The following FRAS1 variants were observed in gnomAD, a reference collection of about 807,000 sequenced individuals.
FRAS1 encodes the protein extracellular matrix organizing protein FRAS1.
A neutral mutation model predicts 435.2 loss-of-function variants in FRAS1; 290 were observed. That is an observed-to-expected ratio of 0.67 (90% CI 0.61 to 0.73). The LOEUF (loss-of-function observed/expected upper bound fraction) is 0.73. Ranked by LOEUF, FRAS1 falls within the 30% of genes least tolerant of loss-of-function variation. The pLI is 0.00. For missense variants in FRAS1, 4,860 were observed against 5,001.5 expected (o/e 0.97, Z 0.85); for synonymous variants, 1,800 against 1,851.0 (o/e 0.97, Z 0.71).
At chr4:78,302,395 G>A (rs1055744136) in intron 14 of FRAS1, among the ~76,000 whole-genome samples, 33 of 151,480 alleles carry the variant, frequency 2.2e-4, no homozygotes, top group Non-Finnish European at 3.8e-4. Flanking sequence ...TGGGTCAAAT[G>A]GTATTTCTAG....
intron 2 of FRAS1, among the ~76,000 whole-genome samples, chr4:78,162,355 CA>C (rs1721179146): frequency 6.6e-6 from 1 of 151,996 alleles, no homozygotes; most frequent in Non-Finnish European, 1.5e-5. Context: ...TTCGGTCTCC[CA>C]AAAAAATTTG....
At chr4:78,524,796 A>G (rs886274749) in intron 69 of FRAS1, among the ~76,000 whole-genome samples, 6 of 152,216 alleles carry the variant, frequency 3.9e-5, no homozygotes, top group Non-Finnish European at 5.9e-5. Context: ...CCTAATAAGC[A>G]AAGTATAACA....
At chr4:78,322,591 T>G (rs1729552969) in intron 18 of FRAS1, among the ~76,000 whole-genome samples, 1 of 152,208 alleles carries the variant, frequency 6.6e-6, no homozygotes, top group African/African-American at 2.4e-5. Flanking sequence ...AGCAATTTAC[T>G]TAGACACTGA....
At chr4:78,199,012 G>A (rs1444500112) in intron 2 of FRAS1, among the ~76,000 whole-genome samples, 4 of 152,300 alleles carry the variant, frequency 2.6e-5, no homozygotes, top group South Asian at 2.1e-4. Context: ...AGAGTTATAC[G>A]TGGATTTTTG....
rs183100266 is a variant in FRAS1 at position 78,174,567 on chromosome 4, G to A, written c.109-62943G>A. Among the ~76,000 whole-genome samples, 11 of 152,326 alleles carry A rather than the reference G, an allele frequency of 7.2e-5. No homozygotes were observed. The East Asian group carries it at 2.1e-3, about 29-fold the overall frequency. ...AAGGGAGGGAAAAGATAGAAGGGGT[G>A]CACTCACTCAGCTCTCTCAAAAATG... On this transcript the variant is annotated intron_variant, in intron 2 of 73. Transcript: ENST00000512123.
chr4:78,315,427 GCA>G (rs1392516406), intron 15 of FRAS1, among the ~76,000 whole-genome samples, 165 bp from the exon 16 acceptor site: 1 of 152,156 alleles, frequency 6.6e-6, no homozygotes, highest in Admixed American at 6.5e-5. Flanking sequence ...AAAACAAAAA[GCA>G]CAGAGTCCGA....
chr4:78,538,616 A>G (rs748983812), intron 72 of FRAS1, among the ~76,000 whole-genome samples: 88 of 152,282 alleles, frequency 5.8e-4, no homozygotes, highest in Non-Finnish European at 1.0e-3. Context: ...TTCTTCACAT[A>G]GGGGCAGCAA....
At chr4:78,513,042 C>T (rs17003297) in intron 64 of FRAS1, among the ~76,000 whole-genome samples, 5,684 of 152,300 alleles carry the variant, frequency 0.037, 211 homozygotes, top group African/African-American at 0.097. Flanking sequence ...AACAGGCCCT[C>T]TCTAGTCACT....
At chr4:78,465,977 A>G (rs1719514102) in intron 49 of FRAS1, among the ~76,000 whole-genome samples, 1 of 152,182 alleles carries the variant, frequency 6.6e-6, no homozygotes, top group Admixed American at 6.5e-5. Context: ...GAAGAGAAGA[A>G]ATTTAAATGT....
chr4:78,464,355 G>C, intron 48 of FRAS1, 88 bp from the exon 49 acceptor site: 1 of 1,551,724 alleles, frequency 6.4e-7, no homozygotes, highest in Non-Finnish European at 8.8e-7. Flanking sequence ...AGCAATGTGT[G>C]AAAGAGAAAA....
intron 2 of FRAS1, among the ~76,000 whole-genome samples, chr4:78,128,520 T>C (rs2109977983): frequency 6.6e-6 from 1 of 152,358 alleles, no homozygotes; most frequent in African/African-American, 2.4e-5. Context: ...TGAGCATTTT[T>C]TCATGTGTTT....
chr4:78,182,025 C>T (rs1722033414), intron 2 of FRAS1: 1 of 1,529,158 alleles, frequency 6.5e-7, no homozygotes, highest in Admixed American at 2.2e-5. Context: ...CAGCCGAAGC[C>T]TTCCTGTAAG....
At chr4:78,195,101 G>A (rs1334172755) in intron 2 of FRAS1, among the ~76,000 whole-genome samples, 1 of 152,204 alleles carries the variant, frequency 6.6e-6, no homozygotes, top group East Asian at 1.9e-4. Context: ...TTGGTGAACA[G>A]CAAATGTTGC....
intron 29 of FRAS1, among the ~76,000 whole-genome samples, chr4:78,395,108 A>G (rs1417972674): frequency 1.3e-5 from 2 of 151,950 alleles, no homozygotes; most frequent in African/African-American, 4.8e-5. Context: ...AGGGTTTTCT[A>G]CATATAAGAT....
At chr4:78,248,357 T>G (rs1211192109) in intron 4 of FRAS1, among the ~76,000 whole-genome samples, 1 of 152,170 alleles carries the variant, frequency 6.6e-6, no homozygotes, top group African/African-American at 2.4e-5. Context: ...TCCCCACAAA[T>G]TACTTTGTGA....
chr4:78,371,603 A>G (rs1390358849), intron 23 of FRAS1, among the ~76,000 whole-genome samples: 6 of 152,228 alleles, frequency 3.9e-5, no homozygotes, highest in African/African-American at 1.4e-4. Flanking sequence ...AGAAACCAGG[A>G]TAATATAGAT....
chr4:78,304,855 AT>A (rs1284065697), intron 14 of FRAS1, among the ~76,000 whole-genome samples: 12 of 151,112 alleles, frequency 7.9e-5, no homozygotes, highest in African/African-American at 2.9e-4. Flanking sequence ...TTGTGTCTCT[AT>A]TTCCTTCAGT....
rs1310150260 is a variant in FRAS1 at position 78,407,845 on chromosome 4, C to T, written c.4308+4C>T. 1.9e-6 allele frequency: 3 copies of T among 1,583,672 alleles called. No homozygotes were observed. Among genetic ancestry groups the T allele is most frequent in the Non-Finnish European group, 2.6e-6 (3 of 1,163,766 alleles). On this transcript the variant is annotated splice_donor_region_variant and intron_variant, in intron 31 of 73. Coordinates refer to ENST00000512123, the MANE Select transcript of FRAS1 (RefSeq NM_025074.7). ...GAGCGACTCCTTCCGCTTCGAGGTA[C>T]CCTCTGCTTCCTGACTTTTCTGAAG... is the stretch of plus-strand genomic sequence containing the variant.
In FRAS1 at chr4:78,492,678, A is replaced by G. The variant is rs566070325; in HGVS notation, c.8958+3598A>G. Reference sequence around the variant, plus strand: ...GATTGAAGACTTAAACGTGAGACCTAAAACCATAAAAATCCTAGAAGTAAA... The same window carrying G: ...GATTGAAGACTTAAACGTGAGACCTGAAACCATAAAAATCCTAGAAGTAAA... On this transcript the variant is annotated intron_variant, in intron 59 of 73. Transcript: ENST00000512123. 2.0e-5 allele frequency among the ~76,000 whole-genome samples: 3 copies of G among 152,346 alleles called. 1 individual carries two copies. The highest frequency in any genetic ancestry group is 4.1e-4 in the South Asian group (2 of 4,828).
Sources: gnomAD v4.1 joint callset for allele counts (sites outside exome capture counted in the v4.1 genomes callset) on GRCh38, gnomAD v4.1.1 for gene constraint, MANE v1.5 for transcripts, NCBI Gene and HGNC (gene_info 2026-07-23, HGNC 2026-07-21) for gene names.